LINGO2: variants seen among roughly 807,000 people sequenced by gnomAD.
The protein encoded by LINGO2 is leucine rich repeat and Ig domain containing 2, also known as leucine-rich repeat and immunoglobulin-like domain-containing nogo receptor-interacting protein 2.
A neutral mutation model predicts 30.6 loss-of-function variants in LINGO2; 14 were observed. The ratio of observed to expected loss-of-function variants is 0.46; its 90% confidence interval spans 0.30 to 0.72. The LOEUF (loss-of-function observed/expected upper bound fraction) is 0.72. Ranked by LOEUF, LINGO2 falls within the 30% of genes least tolerant of loss-of-function variation. The pLI, the probability that LINGO2 is intolerant of heterozygous loss-of-function variation, is 0.07. For missense variants in LINGO2, 729 were observed against 751.7 expected (o/e 0.97, Z 0.35); for synonymous variants, 317 against 288.5 (o/e 1.10, Z -1.00).
intron 4 of LINGO2, among the ~76,000 whole-genome samples, chr9:28,098,972 T>C (rs1444409652): frequency 6.6e-6 from 1 of 152,152 alleles, no homozygotes; most frequent in East Asian, 1.9e-4. Flanking sequence ...ATGTATTTCA[T>C]GCTACACTGA....
chr9:28,719,028 T>G, the LINGO2 span, among the ~76,000 whole-genome samples: 1 of 151,958 alleles, frequency 6.6e-6, no homozygotes, highest in African/African-American at 2.4e-5. Flanking sequence ...AAACCTGCCT[T>G]CTTCACAGCA....
chr9:29,142,479 C>A, the LINGO2 span, among the ~76,000 whole-genome samples: 1 of 151,706 alleles, frequency 6.6e-6, no homozygotes, highest in Non-Finnish European at 1.5e-5. Flanking sequence ...AACAACTTAA[C>A]TTTATACCTT....
At chr9:29,038,863 C>A in the LINGO2 span, among the ~76,000 whole-genome samples, 11 of 151,926 alleles carry the variant, frequency 7.2e-5, no homozygotes, top group South Asian at 6.2e-4. Context: ...TATTAAGACG[C>A]CTTAACCGAG....
At chr9:28,139,764 A>G (rs1827622449) in intron 4 of LINGO2, among the ~76,000 whole-genome samples, 1 of 152,222 alleles carries the variant, frequency 6.6e-6, no homozygotes, top group South Asian at 2.1e-4. Context: ...GGAAAATACA[A>G]TGAATACTAC....
intron 2 of LINGO2, among the ~76,000 whole-genome samples, chr9:28,405,832 G>T (rs1283340938): frequency 6.6e-6 from 1 of 152,014 alleles, no homozygotes; most frequent in Admixed American, 6.6e-5. Flanking sequence ...GTTTTTATAT[G>T]ACTCCGTTTT....
At chr9:28,678,246 C>T in the LINGO2 span, among the ~76,000 whole-genome samples, 1 of 151,972 alleles carries the variant, frequency 6.6e-6, no homozygotes, top group African/African-American at 2.4e-5. Context: ...CCTGCTCTCC[C>T]ACTCTCACCA....
At chr9:28,739,631 T>C in the LINGO2 span, among the ~76,000 whole-genome samples, 2 of 151,884 alleles carry the variant, frequency 1.3e-5, no homozygotes. Context: ...GAAACTCTAA[T>C]AAATAATATA....
At chr9:29,178,965 ATAAT>A in the LINGO2 span, among the ~76,000 whole-genome samples, 169 of 151,270 alleles carry the variant, frequency 1.1e-3, 2 homozygotes, top group South Asian at 0.015. Flanking sequence ...CATCTCTAAA[ATAAT>A]TAATTAATTA....
chr9:28,797,145 C>T, the LINGO2 span, among the ~76,000 whole-genome samples: 9 of 151,074 alleles, frequency 6.0e-5, no homozygotes, highest in East Asian at 3.9e-4. Flanking sequence ...CTTGAATAAA[C>T]GATGAACTGC....
intron 2 of LINGO2, among the ~76,000 whole-genome samples, chr9:28,384,339 A>G (rs1391360642): frequency 1.3e-5 from 2 of 148,954 alleles, no homozygotes; most frequent in African/African-American, 4.9e-5. Context: ...CTATATATAT[A>G]TATATATATA....
At chr9:28,760,795 T>G in the LINGO2 span, among the ~76,000 whole-genome samples, 1 of 151,892 alleles carries the variant, frequency 6.6e-6, no homozygotes, top group Non-Finnish European at 1.5e-5. Flanking sequence ...AGAATAACAG[T>G]CTCCAATCTC....
chr9:28,566,182 C>T (rs1823372196), intron 1 of LINGO2, among the ~76,000 whole-genome samples: 1 of 152,034 alleles, frequency 6.6e-6, no homozygotes, highest in Non-Finnish European at 1.5e-5. Flanking sequence ...TTGGGAAGAT[C>T]CAAAGGTTTC....
At chr9:29,196,460 T>G in the LINGO2 span, among the ~76,000 whole-genome samples, 2 of 152,080 alleles carry the variant, frequency 1.3e-5, no homozygotes, top group Non-Finnish European at 2.9e-5. Context: ...TTTTTAAAGT[T>G]ATAAGGATAT....
At chr9:28,086,118 G>A (rs1391466106) in intron 4 of LINGO2, among the ~76,000 whole-genome samples, 1 of 151,974 alleles carries the variant, frequency 6.6e-6, no homozygotes, top group East Asian at 1.9e-4. Flanking sequence ...GTTAACAGTG[G>A]GAGGGAAACT....
intron 5 of LINGO2, among the ~76,000 whole-genome samples, chr9:27,975,224 G>C (rs1031406316): frequency 2.6e-5 from 4 of 152,074 alleles, no homozygotes; most frequent in African/African-American, 9.7e-5. Flanking sequence ...TTGAAGTTAA[G>C]AACTCAATAC....
At chr9:28,983,133 G>T in the LINGO2 span, among the ~76,000 whole-genome samples, 1 of 151,896 alleles carries the variant, frequency 6.6e-6, no homozygotes, top group Admixed American at 6.6e-5. Flanking sequence ...TGTGTGCCAT[G>T]TCTGGGCCAC....
intron 2 of LINGO2, among the ~76,000 whole-genome samples, chr9:28,407,265 G>GA (rs5897296): frequency 0.57 from 86,433 of 151,118 alleles, 25,326 homozygotes; most frequent in East Asian, 0.88. Context: ...GAGGCAAAGA[G>GA]AAAAAAAAGA....
the LINGO2 span, among the ~76,000 whole-genome samples, chr9:28,812,434 T>A: frequency 6.6e-6 from 1 of 152,202 alleles, no homozygotes; most frequent in Non-Finnish European, 1.5e-5. Context: ...TCTGGGTAGA[T>A]AATGTTTAAG....
At chr9:28,832,391 T>C in the LINGO2 span, among the ~76,000 whole-genome samples, 1 of 152,188 alleles carries the variant, frequency 6.6e-6, no homozygotes, top group Non-Finnish European at 1.5e-5. Flanking sequence ...TTATTAAAAC[T>C]TAAAGACAAA....
Sources: allele counts gnomAD v4.1 joint callset (sites outside exome capture counted in the v4.1 genomes callset), GRCh38; gene constraint gnomAD v4.1.1; transcripts MANE v1.5; gene names NCBI Gene and HGNC (gene_info 2026-07-23, HGNC 2026-07-21).